The following TRIM66 variants were observed in gnomAD, a reference collection of about 807,000 sequenced individuals.
The protein encoded by TRIM66 is tripartite motif-containing protein 66.
TRIM66 carries 99 observed loss-of-function variants against 148.2 expected under a neutral mutation model. The ratio of observed to expected loss-of-function variants is 0.67; its 90% CI spans 0.57 to 0.79. The LOEUF (loss-of-function observed/expected upper bound fraction) is 0.79, where lower values mean the gene tolerates loss of function less well. TRIM66 is among the 30% of genes least tolerant of loss of function. The pLI is 0.00. For synonymous variants in TRIM66, 616 were observed against 635.9 expected (o/e 0.97, Z 0.47); for missense variants, 1,666 against 1,697.9 (o/e 0.98, Z 0.33).
At chr11:8,668,829 G>A (rs1469837162) in intron 6 of TRIM66, among the ~76,000 whole-genome samples, 4 of 151,952 alleles carry the variant, frequency 2.6e-5, no homozygotes, top group Admixed American at 1.3e-4. Context: ...CAGGTAATCC[G>A]CCCACCTCGG....
intron 22 of TRIM66, 137 bp from the exon 23 acceptor site, chr11:8,619,672 C>T: frequency 1.1e-6 from 1 of 918,770 alleles, no homozygotes; most frequent in Non-Finnish European, 1.6e-6. Context: ...TGAGGAGCAG[C>T]AGGAAGAAAA....
chr11:8,665,804 C>A (rs1374773349), intron 6 of TRIM66, among the ~76,000 whole-genome samples: 1 of 151,750 alleles, frequency 6.6e-6, no homozygotes, highest in African/African-American at 2.4e-5. Context: ...AAAAAATTAG[C>A]CGGGCGTGGT....
chr11:8,620,306 C>G, intron 21 of TRIM66, 140 bp downstream of exon 21: 3 of 1,407,196 alleles, frequency 2.1e-6, no homozygotes, highest in Non-Finnish European at 2.9e-6. Flanking sequence ...TATCCAAACA[C>G]CCCTGGGCCA....
intron 11 of TRIM66, 71 bp from the exon 12 acceptor site, chr11:8,645,958 G>A: frequency 1.4e-6 from 2 of 1,462,352 alleles, no homozygotes; most frequent in Non-Finnish European, 9.3e-7. Context: ...GGGAAGTCTG[G>A]TGGCTTGTGT....
intron 8 of TRIM66, 124 bp from the exon 9 acceptor site, chr11:8,648,672 G>A: frequency 8.3e-7 from 1 of 1,201,638 alleles, no homozygotes; most frequent in Non-Finnish European, 1.1e-6. Context: ...CGGGGGAAGT[G>A]TTATAAACAG....
At chr11:8,657,264 G>C (rs1212471810) in intron 6 of TRIM66, among the ~76,000 whole-genome samples, 1 of 152,206 alleles carries the variant, frequency 6.6e-6, no homozygotes, top group Non-Finnish European at 1.5e-5. Flanking sequence ...CTGAGGGTTA[G>C]GAAGACTTCA....
upstream of TRIM66, chr11:8,682,920 A>G: frequency 7.0e-7 from 1 of 1,436,956 alleles, no homozygotes; most frequent in Non-Finnish European, 9.4e-7. Context: ...CGGGGCTTCC[A>G]GGCTGCGCAT....
chr11:8,676,508 T>G (rs1396527183), intron 3 of TRIM66, among the ~76,000 whole-genome samples: 1 of 152,162 alleles, frequency 6.6e-6, no homozygotes, highest in Non-Finnish European at 1.5e-5. Context: ...ATCACAATCC[T>G]GGGAATTCAG....
At chr11:8,648,930 G>A (rs1338566336) in intron 8 of TRIM66, among the ~76,000 whole-genome samples, 1 of 152,254 alleles carries the variant, frequency 6.6e-6, no homozygotes, top group Non-Finnish European at 1.5e-5. Flanking sequence ...GCCTTGCCAG[G>A]CTCCAGGCTA....
intron 6 of TRIM66, among the ~76,000 whole-genome samples, chr11:8,659,484 G>A (rs546249551): frequency 6.6e-6 from 1 of 152,326 alleles, no homozygotes; most frequent in South Asian, 2.1e-4. Context: ...TGGAGGGGCT[G>A]TCATGAACAG....
At chr11:8,668,837 C>G (rs191136061) in intron 6 of TRIM66, among the ~76,000 whole-genome samples, 5 of 152,096 alleles carry the variant, frequency 3.3e-5, no homozygotes, top group African/African-American at 1.2e-4. Flanking sequence ...CCGCCCACCT[C>G]GGCCTCCCAA....
intron 6 of TRIM66, among the ~76,000 whole-genome samples, chr11:8,661,543 G>C (rs2038256187): frequency 6.6e-6 from 1 of 152,210 alleles, no homozygotes. Flanking sequence ...CCTGGAGACA[G>C]AGAGTCATTT....
rs1171368711 is a variant in TRIM66, at chr11:8,640,903, C to A, written c.1472G>T (p.Ser491Ile). 6.4e-7 allele frequency: 1 copy of A among 1,550,538 alleles called. No individual in the cohort carries two copies. The highest frequency in any genetic ancestry group is 8.7e-7 in the Non-Finnish European group (1 of 1,146,890). ...VPPPSIHPAH[S>I]FRQPPEMVPQ... ...CACCATCTCAGGGGGCTGCCTGAAG[C>A]TGTGGGCTGGGTGTATGCTGGGTGG... Residue 491 changes from serine (S) to isoleucine (I), a missense_variant, in exon 14 of 25, where the codon AGC (serine) becomes ATC (isoleucine). Coordinates refer to ENST00000646038, the MANE Select transcript of TRIM66 (RefSeq NM_001388022.1).
intron 13 of TRIM66, among the ~76,000 whole-genome samples, chr11:8,641,432 C>T (rs2036386073): frequency 6.6e-6 from 1 of 152,178 alleles, no homozygotes; most frequent in Non-Finnish European, 1.5e-5. Flanking sequence ...AAACCACAAG[C>T]TCTCTCAAAT....
At chr11:8,656,134 TGAC>T (rs2037809678) in intron 6 of TRIM66, among the ~76,000 whole-genome samples, 2 of 152,340 alleles carry the variant, frequency 1.3e-5, no homozygotes, top group South Asian at 4.1e-4. Flanking sequence ...GTGTCAACCT[TGAC>T]TTTTTATTAT....
At chr11:8,637,048 A>C (rs972953527) in intron 15 of TRIM66, among the ~76,000 whole-genome samples, 14 of 151,968 alleles carry the variant, frequency 9.2e-5, no homozygotes, top group African/African-American at 2.9e-4. Context: ...CACTAGCCCA[A>C]CTTCTCCTTT....
In TRIM66 at chr11:8,651,779, T is replaced by G; in HGVS notation, c.444+21A>C. The G allele has an allele frequency of 1.3e-6, 2 of 1,544,242 alleles. 1 individual carries two copies. Among genetic ancestry groups the G allele is most frequent in the South Asian group, 2.4e-5 (2 of 83,904 alleles). On this transcript the variant is annotated intron_variant, in intron 7 of 24. Transcript: ENST00000646038. ...AGATTTCTGAAAAAGATCAGCTGCT[T>G]CTTTCCTTGTCCTGACTTACCCTGG...
intron 13 of TRIM66, 62 bp downstream of exon 13, chr11:8,642,947 G>T: frequency 8.4e-7 from 1 of 1,194,218 alleles, no homozygotes; most frequent in Non-Finnish European, 1.2e-6. Context: ...TACCCAGTAA[G>T]GTAAGCAATT....
At chr11:8,668,710 C>G (rs10840104) in intron 6 of TRIM66, among the ~76,000 whole-genome samples, 43,164 of 151,844 alleles carry the variant, frequency 0.28, 6,691 homozygotes, top group East Asian at 0.6. Context: ...CTCAGCCTCC[C>G]GAGTAGCTGG....
Sources: gnomAD v4.1 joint callset for allele counts (sites outside exome capture counted in the v4.1 genomes callset) on GRCh38, gnomAD v4.1.1 for gene constraint, MANE v1.5 for transcripts, NCBI Gene and HGNC (gene_info 2026-07-23, HGNC 2026-07-21) for gene names.